The following SHC1 variants were observed in gnomAD, a reference collection of about 807,000 sequenced individuals.
The protein encoded by SHC1 is SHC adaptor protein 1, also known as SHC-transforming protein 1.
Under a neutral mutation model 55.9 loss-of-function variants are expected in SHC1, and 30 were observed. The observed-to-expected ratio is 0.54, with a 90% CI of 0.40 to 0.73. SHC1 has a LOEUF of 0.73. Among genes scored for constraint, SHC1 ranks in the 30% least tolerant of loss-of-function variants. The pLI, the probability that SHC1 is intolerant of heterozygous loss-of-function variation, is 0.00. For synonymous variants in SHC1, 309 were observed against 306.1 expected (o/e 1.01, Z -0.10); for missense variants, 675 against 777.1 (o/e 0.87, Z 1.56).
chr1:154,964,545 G>A (rs1315577263), intron 11 of SHC1, among the ~76,000 whole-genome samples: 2 of 152,128 alleles, frequency 1.3e-5, no homozygotes, highest in Non-Finnish European at 2.9e-5. Flanking sequence ...GTACAGTGGC[G>A]CAATCATGGC....
chr1:154,970,767 T>A (rs559349797), upstream of SHC1: 3 of 423,220 alleles, frequency 7.1e-6, no homozygotes, highest in Non-Finnish European at 1.3e-5. The surrounding 1 kb of genome is among the most constrained non-coding windows in gnomAD (Gnocchi z 5.5). Context: ...GAGAACAGGC[T>A]GGACCCAGCG....
chr1:154,971,112 G>A (rs1286597976), upstream of SHC1, among the ~76,000 whole-genome samples: 1 of 152,102 alleles, frequency 6.6e-6, no homozygotes, highest in Non-Finnish European at 1.5e-5. Flanking sequence ...AGAGGCAGCT[G>A]GGGGTGGAAA....
chr1:154,965,801 G>T lies in SHC1; in HGVS notation c.1388-20C>A. 6.3e-7 allele frequency: 1 copy of T among 1,599,924 alleles called. No homozygotes were observed. The highest frequency in any genetic ancestry group is 1.1e-5 in the South Asian group (1 of 90,038). ...AGGGCTCTGGAAGTATAGAGGGAGG[G>T]TGAGGGGAAGTAGCAGGCACAACAC... is the stretch of plus-strand genomic sequence containing the variant. On this transcript the variant is annotated intron_variant, in intron 10 of 11. Coordinates refer to ENST00000448116, the MANE Select transcript of SHC1 (RefSeq NM_001130040.2).
intron 11 of SHC1, among the ~76,000 whole-genome samples, chr1:154,964,915 G>A (rs1558050750): frequency 6.6e-6 from 1 of 152,210 alleles, no homozygotes; most frequent in Non-Finnish European, 1.5e-5. Flanking sequence ...CTGACATTGG[G>A]CATCACAACC....
intron 1 of SHC1, 58 bp downstream of exon 1, chr1:154,969,974 G>A (rs1183848540): frequency 6.3e-7 from 1 of 1,582,952 alleles, no homozygotes; most frequent in African/African-American, 1.3e-5. Context: ...CCAAGCTGGA[G>A]TGAGCATTAG....
intron 2 of SHC1, 72 bp from the exon 3 acceptor site, chr1:154,968,906 C>T (rs1656375521): frequency 7.0e-6 from 10 of 1,419,372 alleles, no homozygotes; most frequent in Non-Finnish European, 1.0e-5. Context: ...TGCCACAGGG[C>T]TGGGGGAGGG....
rs745565216 is a variant in SHC1, at chr1:154,970,503, G to A, written c.24C>T (p.Pro8=). 44 of 1,609,428 alleles carry A rather than the reference G, an allele frequency of 2.7e-5. No individual in the cohort carries two copies. Among genetic ancestry groups the A allele is most frequent in the Non-Finnish European group, 3.6e-5 (43 of 1,178,418 alleles). The change falls in exon 1 of 12, where the codon CCC becomes CCT. Residue 8 remains proline, a synonymous_variant. Coordinates refer to ENST00000448116, the MANE Select transcript of SHC1 (RefSeq NM_001130040.2). The surrounding 1 kb of genome is among the most constrained non-coding windows in gnomAD (Gnocchi z 5.5). MDLLPPK[P]KYNPLRNESL... is the part of the protein sequence containing the mutation. Reference sequence around the variant, plus strand: ...ACTCATTCCGGAGTGGATTGTACTTGGGCTTGGGGGGCAGGAGATCCATAG... The same window carrying A: ...ACTCATTCCGGAGTGGATTGTACTTAGGCTTGGGGGGCAGGAGATCCATAG...
chr1:154,964,770 A>G (rs761182065), intron 11 of SHC1, among the ~76,000 whole-genome samples: 3 of 152,092 alleles, frequency 2.0e-5, no homozygotes, highest in Non-Finnish European at 2.9e-5. Context: ...CTGGCTAAAC[A>G]AGGAAAGTTT....
rs973697181 is a variant in SHC1 at position 154,963,693 on chromosome 1, C to T, written c.*110G>A. On this transcript the variant is annotated 3_prime_UTR_variant, in exon 12 of 12. Transcript: ENST00000448116. ...AACCCAGAGTCCATGCTACTCCCAGCTCTGACACAAGGCCAAGCCCACAGA... is the reference window on the plus strand; with the variant it reads ...AACCCAGAGTCCATGCTACTCCCAGTTCTGACACAAGGCCAAGCCCACAGA... 2 of 1,205,560 alleles carry T rather than the reference C, an allele frequency of 1.7e-6. No homozygotes were observed. The highest frequency in any genetic ancestry group is 2.4e-6 in the Non-Finnish European group (2 of 844,040). The allele number at this position is 1,205,560 out of a possible 1,614,324, so 74.7% of individuals were successfully genotyped here. A position where few individuals can be genotyped will look rare whatever the true frequency, so the allele number is the denominator to read the frequency against.
intron 6 of SHC1, 39 bp from the exon 7 acceptor site, chr1:154,967,836 C>G: frequency 6.2e-7 from 1 of 1,611,200 alleles, no homozygotes; most frequent in East Asian, 2.2e-5. Flanking sequence ...GCTGAGCCCA[C>G]TGGGAGGAGG....
chr1:154,964,131 G>A (rs749315143), intron 11 of SHC1, 200 bp from the exon 12 acceptor site: 1 of 740,092 alleles, frequency 1.4e-6, no homozygotes, highest in Admixed American at 1.8e-5. Context: ...TCAGTGAAGT[G>A]AGAAAAGGCA....
rs1193877828 is a variant in SHC1, at chr1:154,968,603, G to A, written c.642C>T (p.Arg214=). ...TCCTCCCCAGGATAGAGCTGAGCGG[G>A]CGGCTACAGGGCTAAGGTAGGGCCC... ...GATRRRKPCS[R]PLSSILGRSN... is the part of the protein sequence containing the mutation. The change falls in exon 4 of 12, where the codon CGC becomes CGT. Residue 214 remains arginine (R), a synonymous_variant. Coordinates refer to ENST00000448116, the MANE Select transcript of SHC1 (RefSeq NM_001130040.2). The A allele has an allele frequency of 1.2e-6, 2 of 1,614,098 alleles. No individual in the cohort carries two copies. The highest frequency in any genetic ancestry group is 1.7e-5 in the Admixed American group (1 of 60,006).
At position 154,965,929 on chromosome 1, in the gene SHC1, G is replaced by A. The variant is rs1267231985; in HGVS notation, c.1387+17C>T. 6.2e-7 allele frequency: 1 copy of A among 1,602,394 alleles called. No homozygotes were observed. Among genetic ancestry groups the A allele is most frequent in the South Asian group, 1.1e-5 (1 of 90,092 alleles). The stretch of plus-strand genomic sequence containing the variant: ...TAGAAAGGTGGGGATGCAGAGAGGA[G>A]AGAGACGAGCACTCACTCATGTCAA... On this transcript the variant is annotated intron_variant, in intron 10 of 11. Coordinates refer to ENST00000448116, the MANE Select transcript of SHC1 (RefSeq NM_001130040.2).
At chr1:154,968,722 CCCCTCCACATTT>C (rs754283812) in intron 3 of SHC1, 37 bp downstream of exon 3, 7 of 1,608,002 alleles carry the variant, frequency 4.4e-6, no homozygotes, top group South Asian at 1.1e-5. Flanking sequence ...CTCCCCACTG[CCCCTCCACATTT>C]CCCAGCAGCA....
chr1:154,969,836 G>A (rs968971923), intron 1 of SHC1, among the ~76,000 whole-genome samples, 196 bp downstream of exon 1: 1 of 151,012 alleles, frequency 6.6e-6, no homozygotes, highest in Admixed American at 6.6e-5. Context: ...GGAGTGAAAA[G>A]AAGGAAGGGG....
intron 11 of SHC1, among the ~76,000 whole-genome samples, chr1:154,964,762 G>A (rs1340719023): frequency 1.3e-5 from 2 of 152,198 alleles, no homozygotes; most frequent in Admixed American, 1.3e-4. Flanking sequence ...CACCACACCT[G>A]GCTAAACAAG....
chr1:154,968,883 A>G, intron 2 of SHC1, 49 bp from the exon 3 acceptor site: 1 of 1,546,638 alleles, frequency 6.5e-7, no homozygotes, highest in Non-Finnish European at 8.9e-7. Flanking sequence ...CCTGCCTCCC[A>G]CTCAACTGGG....
upstream of SHC1, among the ~76,000 whole-genome samples, chr1:154,973,816 C>G (rs1315651888): frequency 6.6e-6 from 1 of 152,164 alleles, no homozygotes; most frequent in Non-Finnish European, 1.5e-5. Context: ...GCTTTCTGGA[C>G]AGTCAGACGT....
At chr1:154,973,723 G>T (rs896139307), upstream of SHC1, among the ~76,000 whole-genome samples, 8 of 152,102 alleles carry the variant, frequency 5.3e-5, no homozygotes, top group African/African-American at 1.7e-4. Context: ...CTTTTCAGCT[G>T]ATGACCCAGG....
Sources: allele counts gnomAD v4.1 joint callset (sites outside exome capture counted in the v4.1 genomes callset), GRCh38; gene constraint gnomAD v4.1.1; non-coding constraint Gnocchi (gnomAD v3.1); transcripts MANE v1.5; gene names NCBI Gene and HGNC (gene_info 2026-07-23, HGNC 2026-07-21).